Variants in LIPC observed in about 807,000 individuals in gnomAD.
LIPC encodes the protein hepatic triacylglycerol lipase.
A neutral mutation model predicts 50.7 loss-of-function variants in LIPC; 44 were observed. The ratio of observed to expected loss-of-function variants is 0.87; its 90% CI spans 0.68 to 1.11. The LOEUF (loss-of-function observed/expected upper bound fraction) is 1.11, where lower values mean the gene tolerates loss of function less well. Among genes scored for constraint, LIPC ranks in the 50% most tolerant of loss-of-function variants. The probability of loss-of-function intolerance (pLI) is 0.00; values close to 1 mark genes in which losing one functional copy is unlikely to be tolerated. For synonymous variants in LIPC, 271 were observed against 256.4 expected (o/e 1.06, Z -0.54); for missense variants, 697 against 648.2 (o/e 1.08, Z -0.82).
At chr15:58,494,266 T>A (rs762069484) in intron 1 of LIPC, among the ~76,000 whole-genome samples, 26 of 152,346 alleles carry the variant, frequency 1.7e-4, no homozygotes, top group Admixed American at 6.5e-4. Flanking sequence ...TTCTGCTCTG[T>A]TATTGGTCAG....
intron 8 of LIPC, among the ~76,000 whole-genome samples, chr15:58,564,819 C>T (rs1894300992): frequency 6.6e-6 from 1 of 152,142 alleles, no homozygotes; most frequent in Non-Finnish European, 1.5e-5. Context: ...CCCAGCACAC[C>T]CTGCCATAGC....
At chr15:58,564,659 G>A (rs1595960132) in intron 8 of LIPC, among the ~76,000 whole-genome samples, 1 of 152,126 alleles carries the variant, frequency 6.6e-6, no homozygotes, top group South Asian at 2.1e-4. Flanking sequence ...CCCAGGAGGT[G>A]GAGGTTGCAG....
chr15:58,564,730 A>C (rs1281926359), intron 8 of LIPC, among the ~76,000 whole-genome samples: 1 of 152,060 alleles, frequency 6.6e-6, no homozygotes, highest in Non-Finnish European at 1.5e-5. Context: ...CTCCGTCTCA[A>C]AAAATAATAA....
chr15:58,456,143 G>C (rs2140689761), intron 1 of LIPC: 1 of 152,294 alleles, frequency 6.6e-6, no homozygotes, highest in South Asian at 2.1e-4. Flanking sequence ...CAGGAGGCGA[G>C]GCTGAAGTCA....
At chr15:58,476,377 C>T (rs556433081) in intron 1 of LIPC, among the ~76,000 whole-genome samples, 1 of 152,246 alleles carries the variant, frequency 6.6e-6, no homozygotes, top group Non-Finnish European at 1.5e-5. Context: ...ACATTTAACA[C>T]ACCATCCTCT....
In LIPC at chr15:58,545,964, A is replaced by T; in HGVS notation, c.797A>T (p.His266Leu). The change falls in exon 5 of 9, where the codon CAC (histidine) becomes CTC (leucine). Residue 266 changes from histidine to leucine, a missense_variant. By Grantham distance (99) the His-to-Leu change is moderately conservative. Coordinates refer to ENST00000299022, the MANE Select transcript of LIPC (RefSeq NM_000236.3). ...FLELYRHIAQ[H>L]GFNAITQTIK... ...GAGCTCTACAGACATATTGCCCAGC[A>T]CGGCTTCAATGGTGAGAATGAAGTC... The T allele has an allele frequency of 6.2e-7, 1 of 1,613,374 alleles. No individual in the cohort carries two copies. Among genetic ancestry groups the T allele is most frequent in the Non-Finnish European group, 8.5e-7 (1 of 1,179,260 alleles).
At chr15:58,536,818 C>G (rs1055323121) in intron 1 of LIPC, among the ~76,000 whole-genome samples, 2 of 152,170 alleles carry the variant, frequency 1.3e-5, no homozygotes, top group Non-Finnish European at 2.9e-5. Flanking sequence ...AAAATCATTG[C>G]CCTTTGCTGA....
chr15:58,563,795 T>A (rs2140957236), intron 8 of LIPC, 72 bp downstream of exon 8: 1 of 1,214,638 alleles, frequency 8.2e-7, no homozygotes, highest in African/African-American at 1.5e-5. Flanking sequence ...CACAATTTAA[T>A]ACTCACATTC....
intron 1 of LIPC, among the ~76,000 whole-genome samples, chr15:58,484,348 G>T (rs1891293149): frequency 6.6e-6 from 1 of 152,138 alleles, no homozygotes; most frequent in African/African-American, 2.4e-5. Context: ...CCCTCAAAAG[G>T]GCCTTGGGAT....
intron 1 of LIPC, among the ~76,000 whole-genome samples, chr15:58,520,201 C>T (rs1276140054): frequency 2.0e-5 from 3 of 149,422 alleles, no homozygotes; most frequent in Non-Finnish European, 4.4e-5. Flanking sequence ...TGGAAACCTT[C>T]CTACAAACAG....
At chr15:58,507,179 C>T (rs1892179818) in intron 1 of LIPC, among the ~76,000 whole-genome samples, 1 of 151,992 alleles carries the variant, frequency 6.6e-6, no homozygotes. Flanking sequence ...AGTGGGGAAA[C>T]CAGGAGAACA....
chr15:58,446,398 G>A (rs1469856132), intron 1 of LIPC, among the ~76,000 whole-genome samples: 1 of 152,030 alleles, frequency 6.6e-6, no homozygotes. Context: ...CCACACCTCA[G>A]AAAATTAAAA....
chr15:58,560,874 C>G lies in LIPC; in HGVS notation c.1062C>G (p.Tyr354Ter). 9.1e-7 allele frequency: 1 copy of G among 1,093,026 alleles called. No individual in the cohort carries two copies. Among genetic ancestry groups the G allele is most frequent in the Non-Finnish European group, 1.4e-6 (1 of 702,536 alleles). The allele number at this position is 1,093,026 out of a possible 1,614,324, so 67.7% of individuals were successfully genotyped here. ...TGTCTCTCTCTCTAGTTTATCATTACCAGTTCAAGATCCAGTTCATCAACC... is the reference window on the plus strand; with the variant it reads ...TGTCTCTCTCTCTAGTTTATCATTAGCAGTTCAAGATCCAGTTCATCAACC... ...RAQSPFKVYH[Y>*]QFKIQFINQT... The change falls in exon 7 of 9, where the codon TAC (tyrosine) becomes TAG (stop). Residue 354 changes from tyrosine (Y) to a stop codon, truncating the protein, a stop_gained. Transcript: ENST00000299022. LOFTEE classifies it high-confidence loss of function.
chr15:58,516,014 C>T (rs1892475708), intron 1 of LIPC, among the ~76,000 whole-genome samples: 1 of 152,134 alleles, frequency 6.6e-6, no homozygotes, highest in Admixed American at 6.5e-5. Context: ...TGTTAGTGCA[C>T]TGTGTTTCTT....
At chr15:58,507,875 T>C (rs1239025421) in intron 1 of LIPC, among the ~76,000 whole-genome samples, 1 of 152,008 alleles carries the variant, frequency 6.6e-6, no homozygotes, top group Non-Finnish European at 1.5e-5. Flanking sequence ...ATGTGGCAAT[T>C]TGAGGGATGG....
chr15:58,476,421 G>T (rs1170181809), intron 1 of LIPC, among the ~76,000 whole-genome samples: 2 of 152,234 alleles, frequency 1.3e-5, no homozygotes, highest in African/African-American at 4.8e-5. Context: ...CATGCAGTCT[G>T]GTTCCTCCTG....
intron 6 of LIPC, among the ~76,000 whole-genome samples, chr15:58,549,520 C>G (rs949140211): frequency 3.9e-5 from 6 of 152,208 alleles, no homozygotes; most frequent in Non-Finnish European, 7.3e-5. Flanking sequence ...TGGTTATTAT[C>G]CCATTCTAAA....
At chr15:58,542,088 A>C in intron 3 of LIPC, 121 bp downstream of exon 3, 4 of 1,175,298 alleles carry the variant, frequency 3.4e-6, no homozygotes, top group Non-Finnish European at 4.9e-6. Context: ...TGCTCAGCTC[A>C]CAGGAATGAG....
At chr15:58,450,672 C>G (rs1893868617) in intron 1 of LIPC, among the ~76,000 whole-genome samples, 1 of 152,188 alleles carries the variant, frequency 6.6e-6, no homozygotes, top group African/African-American at 2.4e-5. Flanking sequence ...CACTGGTGGT[C>G]TGCTATACCT....
Sources: gnomAD v4.1 joint callset for allele counts (sites outside exome capture counted in the v4.1 genomes callset) on GRCh38, gnomAD v4.1.1 for gene constraint, MANE v1.5 for transcripts, NCBI Gene and HGNC (gene_info 2026-07-23, HGNC 2026-07-21) for gene names.